MGMT: variants seen among roughly 807,000 people sequenced by gnomAD.
MGMT encodes methylated-DNA--protein-cysteine methyltransferase.
A neutral mutation model predicts 15.9 loss-of-function variants in MGMT; 14 were observed. The observed-to-expected ratio is 0.88, with a 90% CI of 0.58 to 1.37. The LOEUF (loss-of-function observed/expected upper bound fraction) is 1.37. MGMT is among the 40% of genes most tolerant of loss of function. The pLI is 0.00. For missense variants in MGMT, 282 were observed against 268.1 expected, an observed-to-expected ratio of 1.05 and a Z score of -0.36; for synonymous variants, 130 against 118.2, an observed-to-expected ratio of 1.10 and a Z score of -0.65.
rs547834083 is a variant in MGMT, at chr10:129,743,228, G to T, written c.275-15974G>T. Among the ~76,000 whole-genome samples, 9 of 152,256 alleles carry T rather than the reference G, an allele frequency of 5.9e-5. No individual in the cohort carries two copies. The South Asian group carries it at 1.7e-3, about 28-fold the overall frequency. On this transcript the variant is annotated intron_variant, in intron 3 of 4. Transcript: ENST00000651593. ...CCTGTCACTTCCACTCTGGCACCTC[G>T]TTCGCCATCACCTCACTCAGGAGGG...
At chr10:129,480,077 T>G (rs962805198) in intron 1 of MGMT, among the ~76,000 whole-genome samples, 13 of 152,228 alleles carry the variant, frequency 8.5e-5, no homozygotes, top group Non-Finnish European at 1.8e-4. Context: ...TCAGTTTCCA[T>G]TTTTTAAAAC....
chr10:129,470,397 A>G (rs1845216940), intron 1 of MGMT, among the ~76,000 whole-genome samples: 1 of 152,254 alleles, frequency 6.6e-6, no homozygotes, highest in South Asian at 2.1e-4. Context: ...GACTTAAAAA[A>G]ATTAACAGTA....
intron 2 of MGMT, among the ~76,000 whole-genome samples, chr10:129,705,939 G>T (rs79617549): frequency 6.6e-6 from 1 of 152,126 alleles, no homozygotes; most frequent in African/African-American, 2.4e-5. Context: ...GGCTGAATCC[G>T]CACAGAGCTG....
intron 2 of MGMT, among the ~76,000 whole-genome samples, chr10:129,585,380 C>T (rs1390687770): frequency 1.3e-5 from 2 of 152,072 alleles, no homozygotes; most frequent in East Asian, 1.9e-4. Context: ...ACAGTAGTTC[C>T]CCCTTAGTCA....
At chr10:129,526,656 GC>G (rs1315409470) in intron 1 of MGMT, among the ~76,000 whole-genome samples, 93 of 152,308 alleles carry the variant, frequency 6.1e-4, no homozygotes, top group African/African-American at 2.0e-3. Context: ...ACCACACCCG[GC>G]TAGTCTGTTT....
At chr10:129,671,945 A>G (rs980976186) in intron 2 of MGMT, among the ~76,000 whole-genome samples, 1 of 152,222 alleles carries the variant, frequency 6.6e-6, no homozygotes, top group Admixed American at 6.5e-5. Context: ...ATTTACAACA[A>G]AGAGTATTGT....
At chr10:129,738,325 C>T (rs1157159154) in intron 3 of MGMT, among the ~76,000 whole-genome samples, 10 of 152,200 alleles carry the variant, frequency 6.6e-5, no homozygotes, top group African/African-American at 1.2e-4. Flanking sequence ...TTCCAGGTGC[C>T]GTCTGTCACC....
rs143383713 is a variant in MGMT, at chr10:129,584,439, GT to G, written c.125+48072del. Among the ~76,000 whole-genome samples the G allele has an allele frequency of 2.7e-3, 399 of 149,266 alleles. 3 individuals carry two copies. Among genetic ancestry groups the G allele is most frequent in the African/African-American group, 9.3e-3 (376 of 40,440 alleles). On this transcript the variant is annotated intron_variant, in intron 2 of 4. Coordinates refer to ENST00000651593, the MANE Select transcript of MGMT (RefSeq NM_002412.5). ...TTCTTTTTTGTATAAGGCTTAATTTGTTTTTTTTTTCATGTTATAGCTTTCC... is the reference window on the plus strand; with the variant it reads ...TTCTTTTTTGTATAAGGCTTAATTTGTTTTTTTTTCATGTTATAGCTTTCC...
At chr10:129,579,531 G>A (rs555493005) in intron 2 of MGMT, among the ~76,000 whole-genome samples, 1 of 152,262 alleles carries the variant, frequency 6.6e-6, no homozygotes, top group Non-Finnish European at 1.5e-5. Context: ...TTGGAAGGAC[G>A]TTAAGGCAGG....
At chr10:129,733,092 C>A (rs2133164414) in intron 3 of MGMT, among the ~76,000 whole-genome samples, 1 of 148,620 alleles carries the variant, frequency 6.7e-6, no homozygotes, top group South Asian at 2.2e-4. Context: ...ATGGCTGGGT[C>A]AAATGGTATT....
intron 3 of MGMT, among the ~76,000 whole-genome samples, chr10:129,751,048 G>C (rs1039698532): frequency 2.0e-5 from 3 of 151,992 alleles, no homozygotes; most frequent in African/African-American, 7.2e-5. Context: ...TTTGATGGTG[G>C]AGTAATGCTG....
chr10:129,573,276 A>G (rs1846440778), intron 2 of MGMT, among the ~76,000 whole-genome samples: 1 of 152,206 alleles, frequency 6.6e-6, no homozygotes, highest in South Asian at 2.1e-4. Context: ...AAATTCAACT[A>G]GATTTTTAAA....
intron 2 of MGMT, among the ~76,000 whole-genome samples, chr10:129,683,475 C>G (rs1428149243): frequency 6.6e-6 from 1 of 152,160 alleles, no homozygotes. Flanking sequence ...CGGGTGAGTG[C>G]TAGGCGTCCA....
intron 2 of MGMT, among the ~76,000 whole-genome samples, chr10:129,706,369 C>G (rs1175119891): frequency 6.6e-6 from 1 of 152,182 alleles, no homozygotes; most frequent in Non-Finnish European, 1.5e-5. Flanking sequence ...TCACTGGGAC[C>G]CTCCCAGAGC....
intron 4 of MGMT, among the ~76,000 whole-genome samples, chr10:129,763,905 G>T (rs1261113969): frequency 6.6e-6 from 1 of 152,200 alleles, no homozygotes; most frequent in Non-Finnish European, 1.5e-5. Context: ...AAAACAGTCA[G>T]CCCTCCGCCA....
At chr10:129,491,657 A>G (rs1461325501) in intron 1 of MGMT, among the ~76,000 whole-genome samples, 1 of 151,888 alleles carries the variant, frequency 6.6e-6, no homozygotes, top group Non-Finnish European at 1.5e-5. Flanking sequence ...CACAGTTTGG[A>G]TATTTTCTGC....
chr10:129,760,984 A>T (rs1252298177), intron 4 of MGMT, among the ~76,000 whole-genome samples: 1 of 152,044 alleles, frequency 6.6e-6, no homozygotes, highest in Non-Finnish European at 1.5e-5. Flanking sequence ...GCGTTGGGGG[A>T]TATTTCCGAA....
At chr10:129,626,560 G>A (rs1355491096) in intron 2 of MGMT, among the ~76,000 whole-genome samples, 1 of 152,200 alleles carries the variant, frequency 6.6e-6, no homozygotes, top group Non-Finnish European at 1.5e-5. Context: ...CCTGAGCTGG[G>A]AAGGTTCTGA....
At chr10:129,688,142 A>G (rs1847930498) in intron 2 of MGMT, among the ~76,000 whole-genome samples, 1 of 152,242 alleles carries the variant, frequency 6.6e-6, no homozygotes, top group Non-Finnish European at 1.5e-5. Context: ...ATAGTGCCAC[A>G]GTAAACATAC....
Sources: gnomAD v4.1 joint callset for allele counts (sites outside exome capture counted in the v4.1 genomes callset) on GRCh38, gnomAD v4.1.1 for gene constraint, MANE v1.5 for transcripts, NCBI Gene and HGNC (gene_info 2026-07-23, HGNC 2026-07-21) for gene names.